Variants in CCN5 observed in about 807,000 individuals in gnomAD.
CCN5 encodes the protein CCN family member 5.
CCN5 carries 17 observed loss-of-function variants against 18.7 expected under a neutral mutation model. The ratio of observed to expected loss-of-function variants is 0.91; its 90% CI spans 0.62 to 1.36. The LOEUF is 1.36. CCN5 is among the 40% of genes most tolerant of loss of function. The probability of loss-of-function intolerance (pLI) is 0.00; values close to 1 mark genes in which losing one functional copy is unlikely to be tolerated. For missense variants in CCN5, 367 were observed against 342.9 expected, an observed-to-expected ratio of 1.07 and a Z score of -0.56; for synonymous variants, 135 against 145.2, an observed-to-expected ratio of 0.93 and a Z score of 0.50.
intron 1 of CCN5, among the ~76,000 whole-genome samples, chr20:44,716,423 C>T (rs1052066895): frequency 2.0e-5 from 3 of 152,206 alleles, no homozygotes; most frequent in Admixed American, 6.5e-5. Context: ...TCCAAGTCTT[C>T]GTGCCTGGGA....
chr20:44,723,957 A>T (rs2145418837), intron 2 of CCN5: 1 of 152,380 alleles, frequency 6.6e-6, no homozygotes, highest in South Asian at 2.1e-4. Context: ...GGGTGCAGAG[A>T]CGCACACTGG....
upstream of CCN5, chr20:44,715,096 G>GCACA (rs144166282): frequency 0.014 from 3,902 of 287,704 alleles, 48 homozygotes; most frequent in African/African-American, 0.046. Flanking sequence ...ACACACACGC[G>GCACA]CACACACACA....
At chr20:44,715,756 A>C (rs889547577) in intron 1 of CCN5, among the ~76,000 whole-genome samples, 1 of 152,212 alleles carries the variant, frequency 6.6e-6, no homozygotes, top group African/African-American at 2.4e-5. Context: ...CAAACTTACC[A>C]GGCAAATTGA....
intron 2 of CCN5, among the ~76,000 whole-genome samples, chr20:44,722,368 A>AG (rs1419281920): frequency 6.6e-6 from 1 of 152,064 alleles, no homozygotes; most frequent in African/African-American, 2.4e-5. Context: ...TCCGCCCCCC[A>AG]GAACGGCCTC....
intron 1 of CCN5, among the ~76,000 whole-genome samples, chr20:44,718,435 C>T (rs537012598): frequency 6.6e-6 from 1 of 152,130 alleles, no homozygotes; most frequent in Admixed American, 6.5e-5. Flanking sequence ...CCCTAAGGAT[C>T]CTACTAAACT....
Position 44,727,581 on chromosome 20 carries a change from C to A in CCN5, c.*274C>A. On this transcript the variant is annotated 3_prime_UTR_variant, in exon 4 of 4. Transcript: ENST00000190983. Reference sequence around the variant, plus strand: ...CCAGGGTCCTCTAGCCCACTCCCTGCCTACACACACAGCCTATATCAAACA... The same window carrying A: ...CCAGGGTCCTCTAGCCCACTCCCTGACTACACACACAGCCTATATCAAACA... 8.0e-7 allele frequency: 1 copy of A among 1,257,566 alleles called. No individual in the cohort carries two copies. Among genetic ancestry groups the A allele is most frequent in the Non-Finnish European group, 1.0e-6 (1 of 980,448 alleles). 77.9% of individuals were successfully genotyped at this position (1,257,566 alleles called of 1,614,324 possible).
At chr20:44,715,239 G>T (rs1228333241), upstream of CCN5, 1 of 520,780 alleles carries the variant, frequency 1.9e-6, no homozygotes, top group Non-Finnish European at 3.4e-6. Context: ...TTGTGTGTGT[G>T]TGTGTGTGTG....
At chr20:44,723,166 C>A (rs1372463961) in intron 2 of CCN5, among the ~76,000 whole-genome samples, 1 of 152,122 alleles carries the variant, frequency 6.6e-6, no homozygotes, top group African/African-American at 2.4e-5. Flanking sequence ...TTAAATACCC[C>A]AGGCACACTC....
At position 44,727,461 on chromosome 20, in the gene CCN5, C is replaced by A; in HGVS notation, c.*154C>A. 2 of 1,436,294 alleles carry A rather than the reference C, an allele frequency of 1.4e-6. No individual in the cohort carries two copies. The highest frequency in any genetic ancestry group is 1.8e-6 in the Non-Finnish European group (2 of 1,090,148). 89.0% of individuals were successfully genotyped at this position (1,436,294 alleles called of 1,614,324 possible). ...ACCATGCAGAACACCAATATTAACA[C>A]GCTGCCTGGTCTGTCTGGATCCCGA... On this transcript the variant is annotated 3_prime_UTR_variant, in exon 4 of 4. Transcript: ENST00000190983.
At position 44,727,384 on chromosome 20, in the gene CCN5, A is replaced by T; in HGVS notation, c.*77A>T. On this transcript the variant is annotated 3_prime_UTR_variant, in exon 4 of 4. Coordinates refer to ENST00000190983, the MANE Select transcript of CCN5 (RefSeq NM_003881.4). ...TGTGCCTGGGCCCTGGGCTGATGGA[A>T]GATGGTCCGTGCCCAGGCCCTTGGC... 1 of 1,495,828 alleles carries T rather than the reference A, an allele frequency of 6.7e-7. No homozygotes were observed. The highest frequency in any genetic ancestry group is 8.9e-7 in the Non-Finnish European group (1 of 1,118,482). The allele number at this position is 1,495,828 out of a possible 1,614,324, so 92.7% of individuals were successfully genotyped here.
intron 1 of CCN5, 84 bp from the exon 2 acceptor site, chr20:44,719,813 A>G: frequency 7.0e-7 from 1 of 1,434,534 alleles, no homozygotes; most frequent in Non-Finnish European, 9.5e-7. Flanking sequence ...CACACTACCC[A>G]GCCTGGCAGA....
chr20:44,719,379 G>A (rs1041741435), intron 1 of CCN5, among the ~76,000 whole-genome samples: 2 of 152,248 alleles, frequency 1.3e-5, no homozygotes, highest in African/African-American at 4.8e-5. Flanking sequence ...GTCTAGCCAG[G>A]TGCAGTGGCT....
At chr20:44,715,098 A>G (rs186721150), upstream of CCN5, 409 of 213,812 alleles carry the variant, frequency 1.9e-3, no homozygotes, top group African/African-American at 6.3e-3. Context: ...ACACACGCGC[A>G]CACACACACA....
chr20:44,715,383 C>T lies in CCN5; in HGVS notation c.-8C>T, dbSNP rs1192782118. On this transcript the variant is annotated 5_prime_UTR_variant, in exon 1 of 4. Transcript: ENST00000190983. The stretch of plus-strand genomic sequence containing the variant: ...CCTCCCAGGCTCAAAGCTGGCTCTG[C>T]AGGGGACATGAGAGGCACACCGAAG... The T allele has an allele frequency of 1.9e-6, 3 of 1,599,084 alleles. No individual in the cohort carries two copies. Among genetic ancestry groups the T allele is most frequent in the Non-Finnish European group, 1.7e-6 (2 of 1,173,426 alleles).
intron 2 of CCN5, among the ~76,000 whole-genome samples, chr20:44,723,420 G>A (rs190443909): frequency 1.0e-3 from 152 of 152,006 alleles, no homozygotes; most frequent in African/African-American, 3.4e-3. Flanking sequence ...CCTGTGAGCC[G>A]GGTACCAAGG....
intron 1 of CCN5, among the ~76,000 whole-genome samples, chr20:44,717,137 C>T (rs1033734780): frequency 1.8e-4 from 27 of 152,182 alleles, no homozygotes; most frequent in African/African-American, 5.3e-4. Context: ...ACTTGGATGT[C>T]AATCCTGATT....
At chr20:44,722,013 T>C (rs2065903318) in intron 2 of CCN5, among the ~76,000 whole-genome samples, 1 of 152,216 alleles carries the variant, frequency 6.6e-6, no homozygotes, top group African/African-American at 2.4e-5. Flanking sequence ...AAGGGATTTT[T>C]CTTATTCCAT....
At position 44,727,130 on chromosome 20, in the gene CCN5, CCCCTG is replaced by C; in HGVS notation, c.580_584del (p.Cys194ArgfsTer96). ...TTGTCTCTTCCCTGCCCCCTGGTGT[CCCCTG>C]CCCAGAATGGAGCACGGCCTGGGGA... On this transcript the variant is annotated frameshift_variant, in exon 4 of 4. Coordinates refer to ENST00000190983, the MANE Select transcript of CCN5 (RefSeq NM_003881.4). LOFTEE classifies it low-confidence loss of function (END_TRUNC). The C allele has an allele frequency of 6.2e-7, 1 of 1,610,810 alleles. No homozygotes were observed.
chr20:44,719,746 G>T lies in CCN5; in HGVS notation c.61-151G>T. The T allele has an allele frequency of 8.8e-6, 6 of 683,218 alleles. No individual in the cohort carries two copies. The South Asian group carries it at 1.2e-4, about 14-fold the overall frequency. The allele number at this position is 683,218 out of a possible 1,614,324, so 42.3% of individuals were successfully genotyped here. ...CATACTGCCTCTTAGGGCATGTTGT[G>T]GGACTACTGGCCTTTGAGGCCAGGT... On this transcript the variant is annotated intron_variant, in intron 1 of 3. Coordinates refer to ENST00000190983, the MANE Select transcript of CCN5 (RefSeq NM_003881.4).
Sources: allele counts gnomAD v4.1 joint callset (sites outside exome capture counted in the v4.1 genomes callset), GRCh38; gene constraint gnomAD v4.1.1; transcripts MANE v1.5; gene names NCBI Gene and HGNC (gene_info 2026-07-23, HGNC 2026-07-21).